Variants in INVS observed in about 807,000 individuals in gnomAD.
INVS encodes the protein inversin.
Under a neutral mutation model 108.8 loss-of-function variants are expected in INVS, and 86 were observed. The ratio of observed to expected loss-of-function variants is 0.79; its 90% confidence interval spans 0.66 to 0.95. The LOEUF (loss-of-function observed/expected upper bound fraction) is 0.95. Ranked by LOEUF, INVS falls within the 40% of genes least tolerant of loss-of-function variation. INVS has a pLI of 0.00. For missense variants in INVS, 1,169 were observed against 1,297.4 expected, an observed-to-expected ratio of 0.90 and a Z score of 1.52; for synonymous variants, 455 against 473.5, an observed-to-expected ratio of 0.96 and a Z score of 0.51.
chr9:100,217,428 C>T (rs551769396), intron 3 of INVS, among the ~76,000 whole-genome samples: 16 of 152,294 alleles, frequency 1.1e-4, no homozygotes, highest in African/African-American at 3.6e-4. Context: ...AAGTTAGCTG[C>T]AGATGCTGGC....
chr9:100,100,636 TATTA>T (rs1417926486), intron 1 of INVS, among the ~76,000 whole-genome samples: 3 of 71,046 alleles, frequency 4.2e-5, no homozygotes, highest in African/African-American at 1.5e-4. Flanking sequence ...ATAATATATA[TATTA>T]TATATGTATA....
intron 3 of INVS, among the ~76,000 whole-genome samples, chr9:100,177,368 T>A (rs1393523581): frequency 6.6e-6 from 1 of 152,128 alleles, no homozygotes; most frequent in Non-Finnish European, 1.5e-5. Flanking sequence ...CAAGCTAAGA[T>A]CCACTGACTC....
chr9:100,137,709 TTATACATA>T (rs1314511307), intron 3 of INVS, among the ~76,000 whole-genome samples: 1 of 152,174 alleles, frequency 6.6e-6, no homozygotes, highest in African/African-American at 2.4e-5. Flanking sequence ...GGCAGCAAAG[TTATACATA>T]GTGTTTACAA....
intron 3 of INVS, chr9:100,175,927 G>A: frequency 1.7e-6 from 1 of 582,168 alleles, no homozygotes; most frequent in Admixed American, 1.9e-5. Context: ...TCAGTGACTT[G>A]GAGGCTGCCT....
chr9:100,139,655 T>TG (rs752323903), intron 3 of INVS, among the ~76,000 whole-genome samples: 25 of 152,264 alleles, frequency 1.6e-4, no homozygotes, highest in South Asian at 4.1e-4. Context: ...CCTTTTTTTG[T>TG]GGGGGGAGAT....
At chr9:100,252,563 A>G in intron 9 of INVS, 125 bp downstream of exon 9, 1 of 923,062 alleles carries the variant, frequency 1.1e-6, no homozygotes, top group South Asian at 1.4e-5. Context: ...GGATGATCAC[A>G]CAACATGGCA....
intron 12 of INVS, among the ~76,000 whole-genome samples, chr9:100,274,800 C>T (rs1246160130): frequency 6.6e-6 from 1 of 152,186 alleles, no homozygotes; most frequent in Non-Finnish European, 1.5e-5. Flanking sequence ...CCACTGTGCC[C>T]AGCCTGGGCA....
Position 100,229,748 on chromosome 9 carries a change from A to T in INVS, c.536A>T (p.Asp179Val), listed in dbSNP as rs745712880. ...CATGATTCTAACATTGGGATTCCTGATGTTGAAGGCAAGATCCCACTTCAC... is the reference window on the plus strand; with the variant it reads ...CATGATTCTAACATTGGGATTCCTGTTGTTGAAGGCAAGATCCCACTTCAC... ...IKHDSNIGIP[D>V]VEGKIPLHWA... Residue 179 changes from aspartate to valine, a missense_variant, in exon 5 of 17, where the codon GAT becomes GTT. This residue lies in a region of INVS where 365 missense variants were observed against 397.5 expected (regional missense o/e 0.92). Transcript: ENST00000262457. The T allele has an allele frequency of 3.7e-6, 6 of 1,613,988 alleles. No homozygotes were observed. The highest frequency in any genetic ancestry group is 5.1e-6 in the Non-Finnish European group (6 of 1,179,984).
Position 100,302,044 on chromosome 9 carries a change from T to C in INVS, c.*1370T>C. 1.9e-6 allele frequency: 1 copy of C among 515,936 alleles called. No individual in the cohort carries two copies. The highest frequency in any genetic ancestry group is 3.4e-6 in the Non-Finnish European group (1 of 296,300). 32.0% of individuals were successfully genotyped at this position (515,936 alleles called of 1,614,324 possible). On this transcript the variant is annotated 3_prime_UTR_variant, in exon 17 of 17. Transcript: ENST00000262457. The stretch of plus-strand genomic sequence containing the variant: ...CACATCAATAGGAACGCCCAAACAT[T>C]ATTTTCATATATCAGTGCAAAGAAA...
chr9:100,170,967 A>C (rs1564142903), intron 3 of INVS, among the ~76,000 whole-genome samples: 1 of 152,326 alleles, frequency 6.6e-6, no homozygotes, highest in Non-Finnish European at 1.5e-5. Context: ...AAAATGTAAG[A>C]GAGGCATCTA....
intron 10 of INVS, 29 bp from the exon 11 acceptor site, chr9:100,264,793 A>G (rs890510614): frequency 7.1e-7 from 1 of 1,403,002 alleles, no homozygotes; most frequent in South Asian, 1.2e-5. Flanking sequence ...CTTACTCCAG[A>G]TGTACTTGAT....
intron 5 of INVS, among the ~76,000 whole-genome samples, chr9:100,236,043 C>A: frequency 6.6e-6 from 1 of 152,090 alleles, no homozygotes; most frequent in Middle Eastern, 3.2e-3. Flanking sequence ...TTCTTGGAGG[C>A]TTTGTTCATT....
intron 13 of INVS, among the ~76,000 whole-genome samples, chr9:100,287,247 G>A (rs1355464843): frequency 6.6e-6 from 1 of 152,140 alleles, no homozygotes; most frequent in Admixed American, 6.5e-5. Context: ...TCCTTACATT[G>A]TGGTCTCAGG....
chr9:100,188,377 G>GT (rs943811618), intron 3 of INVS, among the ~76,000 whole-genome samples: 15 of 152,028 alleles, frequency 9.9e-5, no homozygotes, highest in African/African-American at 7.2e-5. Context: ...TGTGTTGAGG[G>GT]TTTTTTTATA....
At chr9:100,160,515 G>T (rs1005612149) in intron 3 of INVS, among the ~76,000 whole-genome samples, 8 of 152,066 alleles carry the variant, frequency 5.3e-5, no homozygotes, top group Non-Finnish European at 1.2e-4. Flanking sequence ...GTCCCTTCCT[G>T]CATTTATACA....
intron 3 of INVS, chr9:100,131,881 C>T (rs945808321): frequency 8.2e-6 from 8 of 971,528 alleles, no homozygotes; most frequent in South Asian, 9.5e-5. Flanking sequence ...TTTCAAGGTA[C>T]GCTGTTTCCA....
chr9:100,110,441 T>C (rs78896092), intron 2 of INVS, among the ~76,000 whole-genome samples: 2,265 of 152,308 alleles, frequency 0.015, 50 homozygotes, highest in African/African-American at 0.052. Flanking sequence ...TATGGGTAGA[T>C]ATTTTTGTAC....
At chr9:100,227,991 C>CTTTTTTT (rs33912012) in intron 4 of INVS, among the ~76,000 whole-genome samples, 17 of 133,416 alleles carry the variant, frequency 1.3e-4, no homozygotes, top group East Asian at 2.1e-4. Flanking sequence ...TTCTTTCTTT[C>CTTTTTTT]TTTTTTTTTT....
intron 5 of INVS, among the ~76,000 whole-genome samples, chr9:100,236,314 G>A (rs1247089327): frequency 6.6e-6 from 1 of 152,088 alleles, no homozygotes; most frequent in African/African-American, 2.4e-5. Context: ...TGCTCCTTTA[G>A]CTTGGAGGAT....
Sources: gnomAD v4.1 joint callset for allele counts (sites outside exome capture counted in the v4.1 genomes callset) on GRCh38, gnomAD v4.1.1 for gene constraint, gnomAD v4.1.1 regional missense constraint, MANE v1.5 for transcripts, NCBI Gene and HGNC (gene_info 2026-07-23, HGNC 2026-07-21) for gene names.